Variants in SLC22A3 observed in about 807,000 individuals in gnomAD.
SLC22A3 encodes the protein solute carrier family 22 member 3.
SLC22A3 carries 51 observed loss-of-function variants against 59.1 expected under a neutral mutation model. That is an observed-to-expected ratio of 0.86 (90% CI 0.69 to 1.09). SLC22A3 has a LOEUF of 1.09. Among genes scored for constraint, SLC22A3 ranks in the 50% least tolerant of loss-of-function variants. The probability of loss-of-function intolerance (pLI) is 0.00; values close to 1 mark genes in which losing one functional copy is unlikely to be tolerated. For synonymous variants in SLC22A3, 325 were observed against 292.0 expected (o/e 1.11, Z -1.15); for missense variants, 711 against 726.3 (o/e 0.98, Z 0.24).
chr6:160,362,050 C>T (rs1253921317), intron 1 of SLC22A3, among the ~76,000 whole-genome samples: 3 of 152,142 alleles, frequency 2.0e-5, no homozygotes, highest in Admixed American at 2.0e-4. Flanking sequence ...TACCTTGATC[C>T]CCTTAGGACA....
At chr6:160,426,796 G>C (rs759228829) in intron 5 of SLC22A3, among the ~76,000 whole-genome samples, 1 of 152,112 alleles carries the variant, frequency 6.6e-6, no homozygotes, top group African/African-American at 2.4e-5. Context: ...TCTGACCTGC[G>C]TAAGGCTCTC....
At chr6:160,413,123 G>A (rs1787324262) in intron 5 of SLC22A3, among the ~76,000 whole-genome samples, 1 of 152,178 alleles carries the variant, frequency 6.6e-6, no homozygotes, top group African/African-American at 2.4e-5. Flanking sequence ...TATAATGTTG[G>A]ATTAACCAGG....
intron 1 of SLC22A3, among the ~76,000 whole-genome samples, chr6:160,362,320 T>G (rs1473758119): frequency 6.6e-6 from 1 of 152,230 alleles, no homozygotes; most frequent in Non-Finnish European, 1.5e-5. Flanking sequence ...TGTTCCCAGG[T>G]TCAGAATTTC....
intron 7 of SLC22A3, among the ~76,000 whole-genome samples, chr6:160,439,018 A>G (rs1304877285): frequency 6.6e-6 from 1 of 152,120 alleles, no homozygotes; most frequent in Non-Finnish European, 1.5e-5. Context: ...GGTTCCAGGT[A>G]GACATGAATT....
intron 7 of SLC22A3, among the ~76,000 whole-genome samples, chr6:160,440,899 G>A (rs1209065370): frequency 6.6e-6 from 1 of 152,112 alleles, no homozygotes; most frequent in Non-Finnish European, 1.5e-5. Context: ...TTTTCTGAAT[G>A]TTTTACTGAA....
intron 1 of SLC22A3, among the ~76,000 whole-genome samples, chr6:160,395,723 C>T (rs1365937445): frequency 1.3e-5 from 2 of 152,198 alleles, no homozygotes; most frequent in Non-Finnish European, 2.9e-5. Context: ...TTACTTCTTA[C>T]ATCTTGACTG....
chr6:160,421,456 G>A (rs143930159), intron 5 of SLC22A3, among the ~76,000 whole-genome samples: 26 of 152,274 alleles, frequency 1.7e-4, no homozygotes, highest in African/African-American at 5.8e-4. Context: ...ATCTAAATGC[G>A]TGGGCTTCCC....
At chr6:160,397,881 C>T in intron 1 of SLC22A3, 98 bp from the exon 2 acceptor site, 2 of 951,236 alleles carry the variant, frequency 2.1e-6, no homozygotes, top group Non-Finnish European at 3.4e-6. Flanking sequence ...AGTATATGAG[C>T]AAAAATCTTT....
At chr6:160,420,763 T>C (rs926190035) in intron 5 of SLC22A3, among the ~76,000 whole-genome samples, 1 of 152,100 alleles carries the variant, frequency 6.6e-6, no homozygotes, top group Non-Finnish European at 1.5e-5. Flanking sequence ...AGAGGAAGAT[T>C]CCAAAGGTCT....
At chr6:160,427,414 C>A (rs952870957) in intron 5 of SLC22A3, among the ~76,000 whole-genome samples, 8 of 152,132 alleles carry the variant, frequency 5.3e-5, no homozygotes, top group Admixed American at 2.0e-4. Flanking sequence ...CACTGCCAAC[C>A]CTGGACAGTG....
At chr6:160,420,019 C>T (rs1322318585) in intron 5 of SLC22A3, among the ~76,000 whole-genome samples, 1 of 152,030 alleles carries the variant, frequency 6.6e-6, no homozygotes, top group Non-Finnish European at 1.5e-5. Context: ...AGTGAAATAG[C>T]CATAAAGACT....
At chr6:160,360,459 A>T (rs191025037) in intron 1 of SLC22A3, among the ~76,000 whole-genome samples, 1 of 152,304 alleles carries the variant, frequency 6.6e-6, no homozygotes, top group African/African-American at 2.4e-5. Context: ...ACTCTGTCTT[A>T]AAAAAAGGAT....
intron 1 of SLC22A3, among the ~76,000 whole-genome samples, chr6:160,363,038 C>T (rs1409850192): frequency 6.6e-6 from 1 of 152,158 alleles, no homozygotes; most frequent in Non-Finnish European, 1.5e-5. Flanking sequence ...GCTGGGCTCC[C>T]GGGGACTCGG....
chr6:160,437,241 C>T, intron 7 of SLC22A3, 30 bp downstream of exon 7: 1 of 1,609,722 alleles, frequency 6.2e-7, no homozygotes, highest in Non-Finnish European at 8.5e-7. Context: ...GTTTGGCAGC[C>T]AAAGGACTTG....
intron 1 of SLC22A3, among the ~76,000 whole-genome samples, chr6:160,356,951 A>T (rs1195303014): frequency 6.6e-6 from 1 of 152,166 alleles, no homozygotes; most frequent in East Asian, 1.9e-4. Flanking sequence ...TAATAGAGAA[A>T]ATTAGTGAGG....
At chr6:160,368,321 C>T (rs1474491267) in intron 1 of SLC22A3, among the ~76,000 whole-genome samples, 1 of 152,156 alleles carries the variant, frequency 6.6e-6, no homozygotes, top group Non-Finnish European at 1.5e-5. Context: ...AATACTGCCC[C>T]CTGTTGAAAG....
chr6:160,430,417 T>A (rs1046428443), intron 5 of SLC22A3, among the ~76,000 whole-genome samples: 2 of 151,842 alleles, frequency 1.3e-5, no homozygotes, highest in Non-Finnish European at 2.9e-5. Context: ...TTATAACAGA[T>A]GGTTATTTAT....
Position 160,348,556 on chromosome 6 carries a change from C to G in SLC22A3, c.137C>G (p.Pro46Arg). 2 of 1,549,848 alleles carry G rather than the reference C, an allele frequency of 1.3e-6. No homozygotes were observed. Among genetic ancestry groups the G allele is most frequent in the East Asian group, 5.1e-5 (2 of 39,584 alleles). Residue 46 changes from proline (P) to arginine (R), a missense_variant, in exon 1 of 11, where the codon CCC becomes CGC. Coordinates refer to ENST00000275300, the MANE Select transcript of SLC22A3 (RefSeq NM_021977.4). ...FVGVVFLGTQ[P>R]DHYWCRGPSA... ...GGCGTGGTCTTCCTGGGCACGCAGC[C>G]CGACCACTACTGGTGCCGCGGGCCA... is the stretch of plus-strand genomic sequence containing the variant.
intron 2 of SLC22A3, among the ~76,000 whole-genome samples, chr6:160,405,895 AG>A (rs1322484171): frequency 6.6e-6 from 1 of 152,152 alleles, no homozygotes; most frequent in African/African-American, 2.4e-5. Flanking sequence ...AGTAAAAAAA[AG>A]GATCAGTGGT....
Sources: gnomAD v4.1 joint callset for allele counts (sites outside exome capture counted in the v4.1 genomes callset) on GRCh38, gnomAD v4.1.1 for gene constraint, MANE v1.5 for transcripts, NCBI Gene and HGNC (gene_info 2026-07-23, HGNC 2026-07-21) for gene names.